Variants in SANBR observed in about 807,000 individuals in gnomAD.
SANBR encodes SANT and BTB domain regulator of CSR.
SANBR carries 77 observed loss-of-function variants against 101.8 expected under a neutral mutation model. The observed-to-expected ratio is 0.76, with a 90% confidence interval of 0.63 to 0.91. The LOEUF (loss-of-function observed/expected upper bound fraction) is 0.91. Ranked by LOEUF, SANBR falls within the 40% of genes least tolerant of loss-of-function variation. The pLI, the probability that SANBR is intolerant of heterozygous loss-of-function variation, is 0.00. For missense variants in SANBR, 875 were observed against 853.0 expected, an observed-to-expected ratio of 1.03 and a Z score of -0.32; for synonymous variants, 279 against 274.7, an observed-to-expected ratio of 1.02 and a Z score of -0.15.
intron 10 of SANBR, chr2:61,090,725 T>C (rs1225008378): frequency 1.3e-5 from 2 of 152,516 alleles, no homozygotes; most frequent in African/African-American, 4.9e-5. Flanking sequence ...GGTTTGTGTG[T>C]GTGTGTGTGT....
In SANBR at chr2:61,122,455, T is replaced by G; in HGVS notation, c.*293T>G. The G allele has an allele frequency of 1.2e-5, 13 of 1,107,764 alleles. No individual in the cohort carries two copies. Among genetic ancestry groups the G allele is most frequent in the Non-Finnish European group, 9.9e-6 (9 of 909,700 alleles). The allele number at this position is 1,107,764 out of a possible 1,614,324, so 68.6% of individuals were successfully genotyped here. ...CTCCCAGTGTTTTCCTTTATTTATT[T>G]GAAAAAGAAAGGCCTAAACTGTCAG... is the stretch of plus-strand genomic sequence containing the variant. On this transcript the variant is annotated 3_prime_UTR_variant, in exon 22 of 22. Transcript: ENST00000402291.
chr2:61,081,659 T>G, intron 7 of SANBR, 149 bp downstream of exon 7: 1 of 950,046 alleles, frequency 1.1e-6, no homozygotes, highest in East Asian at 3.4e-5. Flanking sequence ...ATATAATTTC[T>G]TTTTCTTGAG....
chr2:61,135,863 A>G (rs1684824470), intron 21 of SANBR, among the ~76,000 whole-genome samples: 1 of 152,214 alleles, frequency 6.6e-6, no homozygotes, highest in African/African-American at 2.4e-5. Flanking sequence ...AACCACTTAC[A>G]AGATGGAGTT....
At chr2:61,088,634 C>T in intron 10 of SANBR, 166 bp downstream of exon 10, 1 of 408,820 alleles carries the variant, frequency 2.4e-6, no homozygotes, top group African/African-American at 2.1e-5. Flanking sequence ...GATTCTCCTG[C>T]CTCAGCTTCC....
chr2:61,104,491 AAAAG>A lies in SANBR; in HGVS notation c.1511+497_1511+500del, dbSNP rs915276395. The stretch of plus-strand genomic sequence containing the variant: ...AGCAAAAAAAAAAGAGCAAAAAAAA[AAAAG>A]AAAAGAGCCCTTGGTGATTAAAAAG... On this transcript the variant is annotated intron_variant, in intron 13 of 21. Coordinates refer to ENST00000402291, the MANE Select transcript of SANBR (RefSeq NM_001129993.3). Among the ~76,000 whole-genome samples the A allele has an allele frequency of 5.9e-4, 89 of 152,090 alleles. 2 individuals are homozygous for A. The East Asian group carries it at 0.013, about 21-fold the overall frequency.
At chr2:61,091,508 C>A (rs565385253) in intron 10 of SANBR, among the ~76,000 whole-genome samples, 23 of 151,614 alleles carry the variant, frequency 1.5e-4, no homozygotes, top group Non-Finnish European at 2.8e-4. Context: ...GCAGGAGAAT[C>A]GCTTGAACCC....
intron 16 of SANBR, among the ~76,000 whole-genome samples, chr2:61,111,269 T>C (rs1031273732): frequency 1.3e-5 from 2 of 152,160 alleles, no homozygotes. Context: ...GGCGGGCACC[T>C]GTAGTCCCAG....
chr2:61,131,842 T>C (rs1684698242), intron 20 of SANBR, among the ~76,000 whole-genome samples: 1 of 152,206 alleles, frequency 6.6e-6, no homozygotes, highest in South Asian at 2.1e-4. Flanking sequence ...AGGATAGACA[T>C]ACAGATCAAT....
chr2:61,089,320 G>T, intron 10 of SANBR: 1 of 284,914 alleles, frequency 3.5e-6, no homozygotes, highest in Non-Finnish European at 5.3e-6. Flanking sequence ...AGACCAGCCT[G>T]ACCAACATGG....
chr2:61,082,515 C>CT (rs1481630242), intron 7 of SANBR, among the ~76,000 whole-genome samples: 2 of 152,092 alleles, frequency 1.3e-5, no homozygotes, highest in African/African-American at 4.8e-5. Context: ...AAAGTTCTAA[C>CT]TAAGTTTAAT....
intron 5 of SANBR, among the ~76,000 whole-genome samples, chr2:61,074,719 T>A (rs1681667872): frequency 6.6e-6 from 1 of 152,190 alleles, no homozygotes; most frequent in South Asian, 2.1e-4. Context: ...CACACAGGTT[T>A]TTAACTGATT....
chr2:61,072,850 T>A (rs1292583535), intron 4 of SANBR, among the ~76,000 whole-genome samples: 13 of 105,246 alleles, frequency 1.2e-4, no homozygotes, highest in East Asian at 6.7e-4. Flanking sequence ...TTTTTTTTTT[T>A]ATACAGGTAC....
At position 61,112,613 on chromosome 2, in the gene SANBR, C is replaced by T. The variant is rs1683885820; in HGVS notation, c.1744+3317C>T. Among the ~76,000 whole-genome samples the T allele has an allele frequency of 2.6e-5, 4 of 152,206 alleles. No individual in the cohort carries two copies. In the South Asian group the frequency reaches 6.2e-4, roughly 24 times the overall value. On this transcript the variant is annotated intron_variant, in intron 16 of 21. Transcript: ENST00000402291. ...GGTTCCAGCGATTCTTCTGCCTCAGCCTCCCGAGTAGCTGGGATTACAGGT... is the reference window on the plus strand; with the variant it reads ...GGTTCCAGCGATTCTTCTGCCTCAGTCTCCCGAGTAGCTGGGATTACAGGT...
intron 8 of SANBR, among the ~76,000 whole-genome samples, 182 bp downstream of exon 8, chr2:61,083,496 T>C (rs1682253785): frequency 6.6e-6 from 1 of 151,188 alleles, no homozygotes; most frequent in South Asian, 2.1e-4. Context: ...TCCTGAGCTC[T>C]GGTGATCCTC....
chr2:61,089,829 A>G (rs1250776883), intron 10 of SANBR, among the ~76,000 whole-genome samples: 2 of 152,190 alleles, frequency 1.3e-5, no homozygotes, highest in Non-Finnish European at 2.9e-5. Flanking sequence ...TTCATCCAGT[A>G]TCATTCAGGC....
Position 61,067,648 on chromosome 2 carries a change from A to G in SANBR, c.-146-1201A>G, listed in dbSNP as rs1447494842. On this transcript the variant is annotated intron_variant, in intron 1 of 21. Coordinates refer to ENST00000402291, the MANE Select transcript of SANBR (RefSeq NM_001129993.3). ...CTACTCGGGAGGCTGAGGCAGGAGA[A>G]TCGCTTGAACCCGGGAGGCGGAGGT... Among the ~76,000 whole-genome samples the G allele has an allele frequency of 3.3e-5, 5 of 152,290 alleles. No homozygotes were observed. The East Asian group carries it at 5.8e-4, about 18-fold the overall frequency.
At position 61,071,573 on chromosome 2, in the gene SANBR, A is replaced by C. The variant is rs375977269; in HGVS notation, c.151-33A>C. 1.1e-5 allele frequency: 16 copies of C among 1,432,882 alleles called. No individual in the cohort carries two copies. The African/African-American group carries it at 2.2e-4, about 20-fold the overall frequency. The allele number at this position is 1,432,882 out of a possible 1,614,324, so 88.8% of individuals were successfully genotyped here. On this transcript the variant is annotated intron_variant, in intron 3 of 21. Transcript: ENST00000402291. ...TCAAAAAAAAAAAAAAAAATTCCCA[A>C]ACCTCTGTTTCTTTCATTTTATATT...
chr2:61,103,390 T>TG (rs1247558236), intron 12 of SANBR, among the ~76,000 whole-genome samples: 1 of 152,138 alleles, frequency 6.6e-6, no homozygotes, highest in Non-Finnish European at 1.5e-5. Context: ...CCACACACCT[T>TG]GGCCTCCCAA....
chr2:61,134,247 G>C, exon 21 of SANBR: 1 of 1,580,682 alleles, frequency 6.3e-7, no homozygotes, highest in Non-Finnish European at 8.6e-7. Flanking sequence ...ATTAATACAT[G>C]AAAGGACTTG....
Sources: allele counts gnomAD v4.1 joint callset (sites outside exome capture counted in the v4.1 genomes callset), GRCh38; gene constraint gnomAD v4.1.1; transcripts MANE v1.5; gene names NCBI Gene and HGNC (gene_info 2026-07-23, HGNC 2026-07-21).